Variants in PBX3 observed in about 807,000 individuals in gnomAD.
PBX3 encodes pre-B-cell leukemia transcription factor 3.
PBX3 carries 14 observed loss-of-function variants against 48.5 expected under a neutral mutation model. That is an observed-to-expected ratio of 0.29 (90% CI 0.19 to 0.45). The LOEUF is 0.45. PBX3 is among the 20% of genes least tolerant of loss of function. The pLI is 1.00. For synonymous variants in PBX3, 210 were observed against 200.3 expected (o/e 1.05, Z -0.41); for missense variants, 386 against 546.7 (o/e 0.71, Z 2.93).
chr9:125,808,158 A>G (rs930964141), intron 2 of PBX3, among the ~76,000 whole-genome samples: 5 of 152,200 alleles, frequency 3.3e-5, no homozygotes, highest in African/African-American at 1.2e-4. Flanking sequence ...TAAAAATTAA[A>G]AAGTTTTCCT....
chr9:125,791,301 G>GTCTGTCTGTCTATCTATCTA lies in PBX3; in HGVS notation c.274+42681_274+42682insGTCTGTCTATCTATCTATCT, dbSNP rs1179896723. Among the ~76,000 whole-genome samples the GTCTGTCTGTCTATCTATCTA allele has an allele frequency of 1.3e-3, 146 of 109,002 alleles. No homozygotes were observed. In the East Asian group the frequency reaches 0.014, roughly 10 times the overall value. The allele number at this position is 109,002 out of a possible 152,430, so 71.5% of individuals were successfully genotyped here. ...TTTTTATCTGTCTGTCTGTCTGTCT[G>GTCTGTCTGTCTATCTATCTA]TCTATCTATCTATCTATCTATCTAT... On this transcript the variant is annotated intron_variant, in intron 2 of 8. Coordinates refer to ENST00000373489, the MANE Select transcript of PBX3 (RefSeq NM_006195.6).
chr9:125,843,957 A>G, intron 2 of PBX3: 1 of 292,550 alleles, frequency 3.4e-6, no homozygotes, highest in South Asian at 2.8e-5. Context: ...ATGTGTTAAG[A>G]TGAAAGATCA....
At chr9:125,748,427 C>G (rs1361441640) in intron 1 of PBX3, 123 bp from the exon 2 acceptor site, 3 of 1,461,814 alleles carry the variant, frequency 2.1e-6, no homozygotes, top group Non-Finnish European at 2.7e-6. Context: ...TGACTTCCCA[C>G]GGTTCAAAAG....
chr9:125,946,456 T>C (rs1037975128), intron 5 of PBX3, among the ~76,000 whole-genome samples: 4 of 152,108 alleles, frequency 2.6e-5, no homozygotes, highest in African/African-American at 7.2e-5. Context: ...GAATCTGATA[T>C]GGACTATAAA....
At chr9:125,790,796 G>T (rs749429005) in intron 2 of PBX3, among the ~76,000 whole-genome samples, 1 of 151,856 alleles carries the variant, frequency 6.6e-6, no homozygotes, top group East Asian at 1.9e-4. Flanking sequence ...TGAACTTCTG[G>T]CCTGGAGTGA....
intron 5 of PBX3, 90 bp from the exon 6 acceptor site, chr9:125,960,594 A>G (rs553610334): frequency 8.9e-7 from 1 of 1,128,188 alleles, no homozygotes; most frequent in African/African-American, 1.5e-5. Context: ...GTGTCTCCCA[A>G]GGTATTGCCT....
chr9:125,856,897 T>A (rs1839738203), intron 2 of PBX3, among the ~76,000 whole-genome samples: 1 of 152,238 alleles, frequency 6.6e-6, no homozygotes, highest in East Asian at 1.9e-4. Flanking sequence ...TTGGTTGGTA[T>A]GCCTGCCCAA....
intron 5 of PBX3, among the ~76,000 whole-genome samples, chr9:125,954,399 C>A (rs1410343757): frequency 1.3e-5 from 2 of 152,154 alleles, no homozygotes; most frequent in Non-Finnish European, 2.9e-5. Context: ...TTTAAATTTT[C>A]AATTTCCATA....
chr9:125,903,800 A>G (rs147559382), intron 2 of PBX3, among the ~76,000 whole-genome samples: 1 of 152,010 alleles, frequency 6.6e-6, no homozygotes, highest in Non-Finnish European at 1.5e-5. Context: ...TGTCTTTTAG[A>G]TTCTTCTAAC....
chr9:125,899,351 T>A (rs1363104528), intron 2 of PBX3, among the ~76,000 whole-genome samples: 2 of 103,164 alleles, frequency 1.9e-5, no homozygotes, highest in Admixed American at 1.1e-4. Flanking sequence ...ATGTATATAT[T>A]TTTATATAAA....
Position 125,966,001 on chromosome 9 carries a change from T to C in PBX3, c.*78T>C. On this transcript the variant is annotated 3_prime_UTR_variant, in exon 9 of 9. Transcript: ENST00000373489. ...CAATAGGAGGAAAAGGAAAGCGTTT[T>C]TGTAGCCCACCATCTACAGCTTTAC... 2 of 1,019,870 alleles carry C rather than the reference T, an allele frequency of 2.0e-6. No individual in the cohort carries two copies. The highest frequency in any genetic ancestry group is 2.8e-5 in the South Asian group (2 of 71,764). 63.2% of individuals were successfully genotyped at this position (1,019,870 alleles called of 1,614,324 possible). A position where few individuals can be genotyped will look rare whatever the true frequency, so the allele number is the denominator to read the frequency against.
intron 2 of PBX3, among the ~76,000 whole-genome samples, chr9:125,808,292 T>C (rs1054746378): frequency 2.6e-5 from 4 of 152,200 alleles, no homozygotes; most frequent in Non-Finnish European, 5.9e-5. Flanking sequence ...AATTATTACT[T>C]GACAGAATCC....
chr9:125,911,540 G>A (rs1418769016), intron 2 of PBX3, among the ~76,000 whole-genome samples: 4 of 151,972 alleles, frequency 2.6e-5, no homozygotes, highest in South Asian at 2.1e-4. Context: ...TAAAATTGTC[G>A]CTTATTTCAA....
chr9:125,797,741 C>T (rs1049063199), intron 2 of PBX3, among the ~76,000 whole-genome samples: 10 of 152,222 alleles, frequency 6.6e-5, no homozygotes, highest in African/African-American at 2.4e-4. Flanking sequence ...CTATTATTAA[C>T]TATAGTCCTT....
chr9:125,789,352 C>G (rs1294222939), intron 2 of PBX3, among the ~76,000 whole-genome samples: 3 of 152,198 alleles, frequency 2.0e-5, no homozygotes, highest in South Asian at 2.1e-4. Flanking sequence ...TAGTTTCTCA[C>G]AAGATTTCAG....
intron 5 of PBX3, among the ~76,000 whole-genome samples, chr9:125,941,093 G>A (rs1305547420): frequency 6.6e-6 from 1 of 152,156 alleles, no homozygotes; most frequent in Admixed American, 6.5e-5. Context: ...GACAAATGAA[G>A]GAGGGAAGTG....
At chr9:125,903,035 A>G (rs1261159958) in intron 2 of PBX3, among the ~76,000 whole-genome samples, 1 of 151,806 alleles carries the variant, frequency 6.6e-6, no homozygotes, top group Non-Finnish European at 1.5e-5. Context: ...GGATTGAAAG[A>G]GATTTGTTAT....
At chr9:125,942,065 C>G (rs1334357791) in intron 5 of PBX3, among the ~76,000 whole-genome samples, 1 of 152,150 alleles carries the variant, frequency 6.6e-6, no homozygotes, top group Non-Finnish European at 1.5e-5. Context: ...CTTAAAGAGG[C>G]AAATAAGACC....
intron 2 of PBX3, among the ~76,000 whole-genome samples, chr9:125,810,989 A>T (rs1838273691): frequency 6.6e-6 from 1 of 152,094 alleles, no homozygotes; most frequent in Non-Finnish European, 1.5e-5. Context: ...ACTCCTGGGG[A>T]TCCTGTAAGC....
Sources: allele counts gnomAD v4.1 joint callset (sites outside exome capture counted in the v4.1 genomes callset), GRCh38; gene constraint gnomAD v4.1.1; transcripts MANE v1.5; gene names NCBI Gene and HGNC (gene_info 2026-07-23, HGNC 2026-07-21).